The following GPR39 variants were observed in gnomAD, a reference collection of about 807,000 sequenced individuals.
GPR39 encodes zinc sensing receptor.
Under a neutral mutation model 18.4 loss-of-function variants are expected in GPR39, and 23 were observed. The ratio of observed to expected loss-of-function variants is 1.25; its 90% CI spans 0.90 to 1.77. The LOEUF (loss-of-function observed/expected upper bound fraction) is 1.77. GPR39 is among the 40% of genes most tolerant of loss of function. The probability of loss-of-function intolerance (pLI) is 0.00; values close to 1 mark genes in which losing one functional copy is unlikely to be tolerated. For missense variants in GPR39, 647 were observed against 602.4 expected (o/e 1.07, Z -0.78); for synonymous variants, 280 against 257.9 (o/e 1.09, Z -0.82).
At position 132,581,259 on chromosome 2, in the gene GPR39, C is replaced by T. The variant is rs568618601; in HGVS notation, c.857-63842C>T. 1.9e-3 allele frequency among the ~76,000 whole-genome samples: 291 copies of T among 151,682 alleles called. 1 individual carries two copies. Among genetic ancestry groups the T allele is most frequent in the Non-Finnish European group, 3.5e-3 (241 of 67,970 alleles). On this transcript the variant is annotated intron_variant, in intron 1 of 1. Coordinates refer to ENST00000329321, the MANE Select transcript of GPR39 (RefSeq NM_001508.3). ...AAAGGCTAGTTAGCAAGAAACGATT[C>T]AGTCCTCTATTAGGTATTTGTTTCC...
rs772386421 is a variant in GPR39 at position 132,417,200 on chromosome 2, G to A, written c.158G>A (p.Arg53Gln). ...MGLLGNSATI[R>Q]VTQVLQKKGY... ...CTTCTGGGGAACAGCGCCACCATTC[G>A]GGTCACCCAGGTGCTGCAGAAGAAA... The change falls in exon 1 of 2, where the codon CGG (arginine) becomes CAG (glutamine). Residue 53 changes from arginine to glutamine, a missense_variant. By Grantham distance (43) the Arg-to-Gln change is conservative. Transcript: ENST00000329321. The A allele has an allele frequency of 1.5e-5, 25 of 1,613,966 alleles. No homozygotes were observed. The Admixed American group carries it at 1.8e-4, about 12-fold the overall frequency.
At chr2:132,494,143 G>A (rs1054288642) in intron 1 of GPR39, among the ~76,000 whole-genome samples, 2 of 152,040 alleles carry the variant, frequency 1.3e-5, no homozygotes, top group African/African-American at 4.8e-5. Flanking sequence ...TAAGAGATGG[G>A]AGACAAGATA....
intron 1 of GPR39, among the ~76,000 whole-genome samples, chr2:132,627,555 G>A (rs538984987): frequency 9.9e-5 from 15 of 152,084 alleles, no homozygotes; most frequent in South Asian, 2.1e-4. Context: ...TTAGTTTCCC[G>A]ATTTTGCAAT....
chr2:132,463,415 G>A (rs754487321), intron 1 of GPR39, among the ~76,000 whole-genome samples: 5 of 150,966 alleles, frequency 3.3e-5, no homozygotes, highest in African/African-American at 7.4e-5. Flanking sequence ...GTCTTCCTAA[G>A]AGTCGGGTCT....
chr2:132,639,299 A>T (rs981861167), intron 1 of GPR39, among the ~76,000 whole-genome samples: 2 of 152,112 alleles, frequency 1.3e-5, no homozygotes, highest in African/African-American at 4.8e-5. Context: ...GGAGGTGGAG[A>T]TGTCTAACCC....
In GPR39 at chr2:132,572,552, AAC is replaced by A. The variant is rs1553457466; in HGVS notation, c.857-72548_857-72547del. Among the ~76,000 whole-genome samples, 12 of 151,952 alleles carry A rather than the reference AAC, an allele frequency of 7.9e-5. 1 individual carries two copies. Among genetic ancestry groups the A allele is most frequent in the Admixed American group, 5.2e-4 (8 of 15,278 alleles). ...TAGAAGAGATTAAAAAAAAAAAAAA[AAC>A]CTCATTCTAAACTAGATCTTAAAAG... On this transcript the variant is annotated intron_variant, in intron 1 of 1. Transcript: ENST00000329321.
intron 1 of GPR39, among the ~76,000 whole-genome samples, chr2:132,476,186 G>A (rs1017763226): frequency 9.2e-5 from 14 of 152,102 alleles, no homozygotes; most frequent in Admixed American, 4.6e-4. Flanking sequence ...GTAGTGTCAT[G>A]TCATTTATAA....
At position 132,646,489 on chromosome 2, in the gene GPR39, CTG is replaced by C; in HGVS notation, c.*885_*886del. ...CACTATTTCATTAGTTTTAACAAAA[CTG>C]TTCCAAAAGCGATTTGAGATGCCAA... On this transcript the variant is annotated 3_prime_UTR_variant, in exon 2 of 2. Transcript: ENST00000329321. The C allele has an allele frequency of 2.5e-6, 1 of 401,224 alleles. No homozygotes were observed. Among genetic ancestry groups the C allele is most frequent in the East Asian group, 3.6e-5 (1 of 27,940 alleles). The allele number at this position is 401,224 out of a possible 1,614,324, so 24.9% of individuals were successfully genotyped here.
intron 1 of GPR39, among the ~76,000 whole-genome samples, chr2:132,583,149 G>C (rs1680658911): frequency 6.6e-6 from 1 of 152,032 alleles, no homozygotes; most frequent in Admixed American, 6.5e-5. Context: ...CTGACCTCAA[G>C]TGATCCTCCT....
At chr2:132,552,851 C>T (rs566013856) in intron 1 of GPR39, among the ~76,000 whole-genome samples, 9 of 138,802 alleles carry the variant, frequency 6.5e-5, no homozygotes, top group Admixed American at 2.9e-4. Context: ...TATATACACA[C>T]ATATATATAT....
chr2:132,623,956 A>G (rs574928332), intron 1 of GPR39, among the ~76,000 whole-genome samples: 115 of 152,270 alleles, frequency 7.6e-4, no homozygotes, highest in Admixed American at 9.1e-4. Context: ...CAGCAGCCCA[A>G]GATCCTTCTG....
In GPR39 at chr2:132,646,295, C is replaced by A; in HGVS notation, c.*689C>A. ...GTACATGATCCCTGTAACACAGACC[C>A]AAAGGAGCTGAGTTAACGTGCACCG... On this transcript the variant is annotated 3_prime_UTR_variant, in exon 2 of 2. Coordinates refer to ENST00000329321, the MANE Select transcript of GPR39 (RefSeq NM_001508.3). The A allele has an allele frequency of 6.9e-7, 1 of 1,442,014 alleles. No individual in the cohort carries two copies. The highest frequency in any genetic ancestry group is 9.2e-7 in the Non-Finnish European group (1 of 1,088,514). The allele number at this position is 1,442,014 out of a possible 1,614,324, so 89.3% of individuals were successfully genotyped here. A position where few individuals can be genotyped will look rare whatever the true frequency, so the allele number is the denominator to read the frequency against.
At chr2:132,543,750 G>T (rs1679897884) in intron 1 of GPR39, among the ~76,000 whole-genome samples, 1 of 152,126 alleles carries the variant, frequency 6.6e-6, no homozygotes, top group Non-Finnish European at 1.5e-5. Flanking sequence ...CTGAACTGGG[G>T]TCTCCTCACC....
At chr2:132,500,484 T>G (rs760845306) in intron 1 of GPR39, among the ~76,000 whole-genome samples, 2 of 152,192 alleles carry the variant, frequency 1.3e-5, no homozygotes, top group Non-Finnish European at 2.9e-5. Context: ...GGTTTGCTAG[T>G]ATTTTGTTGA....
chr2:132,429,820 T>G (rs948304525), intron 1 of GPR39, among the ~76,000 whole-genome samples: 4 of 152,226 alleles, frequency 2.6e-5, no homozygotes, highest in Admixed American at 2.0e-4. Context: ...TGGATGAAAC[T>G]GGAATGGGCT....
rs764773132 is a variant in GPR39, at chr2:132,417,603, G to T, written c.561G>T (p.Arg187=). 3.1e-6 allele frequency: 5 copies of T among 1,613,948 alleles called. No homozygotes were observed. Among genetic ancestry groups the T allele is most frequent in the Non-Finnish European group, 4.2e-6 (5 of 1,180,022 alleles). The change falls in exon 1 of 2, where the codon CGG becomes CGT. Residue 187 remains arginine, a synonymous_variant. Coordinates refer to ENST00000329321, the MANE Select transcript of GPR39 (RefSeq NM_001508.3). ...CCCTGGTGAACGTGCCCAGCCACCG[G>T]GGTCTCACTTGCAACCGCTCCAGCA... The part of the protein sequence containing the change: ...EYPLVNVPSH[R]GLTCNRSSTR...
intron 1 of GPR39, among the ~76,000 whole-genome samples, chr2:132,515,950 C>T (rs961101322): frequency 7.2e-5 from 11 of 152,156 alleles, no homozygotes; most frequent in African/African-American, 2.7e-4. Context: ...TGAAGCCTCC[C>T]ATGTCATGTA....
chr2:132,459,608 T>A (rs1367619607), intron 1 of GPR39, among the ~76,000 whole-genome samples: 1 of 152,194 alleles, frequency 6.6e-6, no homozygotes, highest in African/African-American at 2.4e-5. Context: ...ACACTCTGTA[T>A]CCTCTCTGCT....
rs548689885 is a variant in GPR39, at chr2:132,578,550, G to C, written c.857-66551G>C. On this transcript the variant is annotated intron_variant, in intron 1 of 1. Coordinates refer to ENST00000329321, the MANE Select transcript of GPR39 (RefSeq NM_001508.3). ...AATTGCAAATTTAATTTCCTTAATA[G>C]TTACAGGGCTATTCAAATAATCTGG... 2.2e-4 allele frequency among the ~76,000 whole-genome samples: 33 copies of C among 152,170 alleles called. No homozygotes were observed. In the South Asian group the frequency reaches 2.9e-3, roughly 13 times the overall value.
Sources: allele counts gnomAD v4.1 joint callset (sites outside exome capture counted in the v4.1 genomes callset), GRCh38; gene constraint gnomAD v4.1.1; transcripts MANE v1.5; gene names NCBI Gene and HGNC (gene_info 2026-07-23, HGNC 2026-07-21).